Variants in CDKL5 observed in about 807,000 individuals in gnomAD.
CDKL5 encodes cyclin-dependent kinase-like 5.
In CDKL5, 8 loss-of-function variants were observed where a neutral mutation model predicts 61.7. The ratio of observed to expected loss-of-function variants is 0.13; its 90% CI spans 0.08 to 0.23. CDKL5 has a LOEUF of 0.23. Ranked by LOEUF, CDKL5 falls within the 10% of genes least tolerant of loss-of-function variation. CDKL5 has a pLI of 1.00. For synonymous variants in CDKL5, 275 were observed against 272.3 expected, an observed-to-expected ratio of 1.01 and a Z score of -0.10; for missense variants, 440 against 734.5, an observed-to-expected ratio of 0.60 and a Z score of 4.63.
intron 1 of CDKL5, among the ~76,000 whole-genome samples, chrX:18,465,813 C>G (rs1932388984): frequency 1.8e-5 from 2 of 110,139 alleles, no homozygotes; most frequent in Non-Finnish European, 3.8e-5. Flanking sequence ...ATGGGATATC[C>G]CTTCACTTTA....
intron 1 of CDKL5, among the ~76,000 whole-genome samples, chrX:18,433,230 A>G (rs1429555597): frequency 9.6e-6 from 1 of 104,336 alleles, no homozygotes; most frequent in Non-Finnish European, 2.0e-5. Flanking sequence ...CCCTGTCTCA[A>G]AAAAAAAAAA....
chrX:18,650,742 A>C (rs1389744562), intron 21 of CDKL5: 1 of 684,370 alleles, frequency 1.5e-6, no homozygotes, highest in African/African-American at 2.1e-5. Flanking sequence ...AGGTGATTGT[A>C]ATGGGCAGTC....
At chrX:18,652,599 G>A (rs1051205574) in intron 21 of CDKL5, among the ~76,000 whole-genome samples, 1 of 111,270 alleles carries the variant, frequency 9.0e-6, no homozygotes, top group African/African-American at 3.3e-5. Flanking sequence ...AACCCAGGAG[G>A]CAGAGCTTGC....
intron 1 of CDKL5, among the ~76,000 whole-genome samples, chrX:18,478,214 T>C (rs1300485489): frequency 1.8e-5 from 2 of 110,682 alleles, no homozygotes; most frequent in Non-Finnish European, 3.8e-5. Context: ...TTTTTTTTTT[T>C]CCTTTTCTTT....
intron 4 of CDKL5, among the ~76,000 whole-genome samples, chrX:18,572,432 C>G (rs993197411): frequency 1.8e-5 from 2 of 112,164 alleles, no homozygotes; most frequent in Non-Finnish European, 3.8e-5. Context: ...TATGGACGCT[C>G]TTAATGATTT....
At position 18,431,453 on chromosome X, in the gene CDKL5, G is replaced by T. The variant is rs191294540; in HGVS notation, c.-163+5758G>T. Among the ~76,000 whole-genome samples, 537 of 100,101 alleles carry T rather than the reference G, an allele frequency of 5.4e-3. 5 individuals carry two copies. The highest frequency in any genetic ancestry group is 0.019 in the African/African-American group (506 of 26,971). The allele number at this position is 100,101 out of a possible 115,157, so 86.9% of individuals were successfully genotyped here. A position where few individuals can be genotyped will look rare whatever the true frequency, so the allele number is the denominator to read the frequency against. On this transcript the variant is annotated intron_variant, in intron 1 of 17. Coordinates refer to ENST00000623535, the MANE Select transcript of CDKL5 (RefSeq NM_001323289.2). ...TTTTTTTTTTTTGAGACGGAGTCTC[G>T]CTCTGTTGCTCAGGCTGGAGTGCAG...
At chrX:18,463,901 T>G (rs1932344071) in intron 1 of CDKL5, among the ~76,000 whole-genome samples, 1 of 111,885 alleles carries the variant, frequency 8.9e-6, no homozygotes, top group Non-Finnish European at 1.9e-5. Flanking sequence ...GGCAGCTAGC[T>G]CCTAGTGAAT....
chrX:18,462,173 G>A (rs1370550993), intron 1 of CDKL5, among the ~76,000 whole-genome samples: 5 of 109,695 alleles, frequency 4.6e-5, no homozygotes, highest in Non-Finnish European at 9.5e-5. Flanking sequence ...TGTGGCCCAG[G>A]GAAGCCAAAA....
chrX:18,641,994 G>A (rs1329104544), downstream of CDKL5: 8 of 1,209,436 alleles, frequency 6.6e-6, no homozygotes, highest in Non-Finnish European at 7.8e-6. Context: ...GCGCCGAGCT[G>A]AGGCAGGCAT....
chrX:18,637,853 A>T lies in CDKL5; in HGVS notation c.*9096A>T, dbSNP rs750057232. 1.8e-5 allele frequency: 2 copies of T among 112,275 alleles called. No individual in the cohort carries two copies. Among genetic ancestry groups the T allele is most frequent in the East Asian group, 5.6e-4 (2 of 3,584 alleles). The allele number at this position is 112,275 out of a possible 1,213,427, so 9.3% of individuals were successfully genotyped here. ...CTGTCCCAATTTGGCAGTTTCAGGA[A>T]ATTGAGAAGGAATGTCACTGAATCT... On this transcript the variant is annotated 3_prime_UTR_variant, in exon 18 of 18. Transcript: ENST00000623535.
At chrX:18,582,395 G>A (rs1288693378) in intron 7 of CDKL5, among the ~76,000 whole-genome samples, 1 of 111,420 alleles carries the variant, frequency 9.0e-6, no homozygotes, top group Non-Finnish European at 1.9e-5. Context: ...AATGAATGGG[G>A]TTAGTCATGT....
At chrX:18,450,433 C>G (rs908557330) in intron 1 of CDKL5, among the ~76,000 whole-genome samples, 1 of 112,052 alleles carries the variant, frequency 8.9e-6, no homozygotes, top group African/African-American at 3.2e-5. Context: ...CTACAGTACT[C>G]CACACCTTAG....
At chrX:18,532,663 G>C (rs1923689873) in intron 3 of CDKL5, among the ~76,000 whole-genome samples, 1 of 111,756 alleles carries the variant, frequency 8.9e-6, no homozygotes, top group Non-Finnish European at 1.9e-5. Context: ...CTGTGTGATA[G>C]AGGACAATTT....
chrX:18,581,910 C>T lies in CDKL5; in HGVS notation c.423C>T (p.Leu141=). The change falls in exon 7 of 18, where the codon CTC becomes CTT. Residue 141 remains leucine (L), a synonymous_variant. Transcript: ENST00000623535. ...IVHRDIKPEN[L]LISHNDVLKL... ...CTCCAGATATAAAACCAGAAAATCTCTTAATCAGCCACAATGATGTCCTAA... is the reference window on the plus strand; with the variant it reads ...CTCCAGATATAAAACCAGAAAATCTTTTAATCAGCCACAATGATGTCCTAA... 8.3e-7 allele frequency: 1 copy of T among 1,198,039 alleles called. No homozygotes were observed. Among genetic ancestry groups the T allele is most frequent in the Non-Finnish European group, 1.1e-6 (1 of 884,408 alleles).
intron 1 of CDKL5, among the ~76,000 whole-genome samples, chrX:18,484,378 CG>C (rs971110434): frequency 6.4e-5 from 7 of 109,798 alleles, no homozygotes; most frequent in African/African-American, 2.3e-4. Context: ...GCAGTGGTGG[CG>C]CGATCTCGGC....
chrX:18,575,345 A>G lies in CDKL5; in HGVS notation c.146-9A>G. 2 of 1,204,803 alleles carry G rather than the reference A, an allele frequency of 1.7e-6. No individual in the cohort carries two copies. Among genetic ancestry groups the G allele is most frequent in the Non-Finnish European group, 2.2e-6 (2 of 889,446 alleles). On this transcript the variant is annotated splice_polypyrimidine_tract_variant and intron_variant, in intron 4 of 17. Coordinates refer to ENST00000623535, the MANE Select transcript of CDKL5 (RefSeq NM_001323289.2). ...CATTTTAGTCTCTTCACCATTGTTTACATTCTAGAAAATGAAGAAGTCAAA... is the reference window on the plus strand; with the variant it reads ...CATTTTAGTCTCTTCACCATTGTTTGCATTCTAGAAAATGAAGAAGTCAAA...
intron 2 of CDKL5, among the ~76,000 whole-genome samples, chrX:18,507,959 T>C (rs975598860): frequency 9.0e-6 from 1 of 111,525 alleles, no homozygotes; most frequent in Admixed American, 9.6e-5. Context: ...CATAAAATAA[T>C]GCTCATGACC....
intron 3 of CDKL5, among the ~76,000 whole-genome samples, chrX:18,540,677 C>T (rs764907055): frequency 1.9e-5 from 2 of 107,752 alleles, no homozygotes; most frequent in Non-Finnish European, 3.8e-5. Flanking sequence ...TTTCTTTCCC[C>T]TTCCCCTTCC....
intron 1 of CDKL5, among the ~76,000 whole-genome samples, chrX:18,494,091 T>A (rs1354409706): frequency 9.0e-6 from 1 of 111,594 alleles, no homozygotes; most frequent in Admixed American, 9.5e-5. Flanking sequence ...GCTTGGTTAA[T>A]TTTTTGTAGA....
Sources: allele counts gnomAD v4.1 joint callset (sites outside exome capture counted in the v4.1 genomes callset), GRCh38; gene constraint gnomAD v4.1.1; transcripts MANE v1.5; gene names NCBI Gene and HGNC (gene_info 2026-07-23, HGNC 2026-07-21).